TFRC: variants seen among roughly 807,000 people sequenced by gnomAD.
TFRC encodes the protein transferrin receptor protein 1.
A neutral mutation model predicts 85.8 loss-of-function variants in TFRC; 35 were observed. The observed-to-expected ratio is 0.41, with a 90% confidence interval of 0.31 to 0.54. The LOEUF is 0.54. Among genes scored for constraint, TFRC ranks in the 20% least tolerant of loss-of-function variants. The pLI is 0.31. For missense variants in TFRC, 828 were observed against 921.5 expected, an observed-to-expected ratio of 0.90 and a Z score of 1.31; for synonymous variants, 362 against 328.6, an observed-to-expected ratio of 1.10 and a Z score of -1.10.
At chr3:196,074,416 T>TA in intron 3 of TFRC, 1 of 238,560 alleles carries the variant, frequency 4.2e-6, no homozygotes, top group Non-Finnish European at 8.0e-6. Flanking sequence ...GGATATTTTC[T>TA]AGCGTAGCAT....
chr3:196,073,935 G>C lies in TFRC; in HGVS notation c.429C>G (p.Thr143=). The C allele has an allele frequency of 1.2e-6, 2 of 1,611,648 alleles. No individual in the cohort carries two copies. The highest frequency in any genetic ancestry group is 1.7e-6 in the Non-Finnish European group (2 of 1,178,550). The change falls in exon 4 of 19, where the codon ACC becomes ACG. Residue 143 remains threonine, a synonymous_variant. Coordinates refer to ENST00000360110, the MANE Select transcript of TFRC (RefSeq NM_001128148.3). ...EKLDSTDFTG[T]IKLLNENSYV... is the part of the protein sequence containing the mutation. ...GCACAGCAGCTGGCACTCACTTGAT[G>C]GTGCCGGTGAAGTCTGTGCTGTCCA...
chr3:196,055,629 A>G (rs1256657935), intron 16 of TFRC: 1 of 365,250 alleles, frequency 2.7e-6, no homozygotes, highest in Non-Finnish European at 5.1e-6. Context: ...GGCCTTTATC[A>G]ATGAAAAAAG....
intron 7 of TFRC, 70 bp downstream of exon 7, chr3:196,069,385 G>T: frequency 1.2e-6 from 1 of 868,830 alleles, no homozygotes; most frequent in Non-Finnish European, 1.8e-6. Flanking sequence ...ATATTAACAA[G>T]AAATATCACT....
At chr3:196,063,788 G>A (rs1394637089) in intron 11 of TFRC, among the ~76,000 whole-genome samples, 1 of 152,144 alleles carries the variant, frequency 6.6e-6, no homozygotes, top group Non-Finnish European at 1.5e-5. Context: ...GTGGTTGTGG[G>A]TGCCTGTAAT....
chr3:196,053,350 C>T, intron 18 of TFRC, 68 bp downstream of exon 18: 3 of 1,569,684 alleles, frequency 1.9e-6, no homozygotes, highest in South Asian at 2.2e-5. Flanking sequence ...GTCCACTTTG[C>T]AGAAGTGTAA....
At chr3:196,081,357 G>A (rs1006682299) in intron 1 of TFRC, among the ~76,000 whole-genome samples, 4 of 152,254 alleles carry the variant, frequency 2.6e-5, no homozygotes, top group African/African-American at 9.6e-5. Flanking sequence ...GGTTGTACCA[G>A]AGCCGAAGGG....
chr3:196,052,124 A>C lies in TFRC; in HGVS notation c.2101T>G (p.Phe701Val), dbSNP rs534595346. The change falls in exon 19 of 19, where the codon TTC becomes GTC. Residue 701 changes from phenylalanine to valine, a missense_variant. Physicochemically the swap from Phe to Val is conservative, Grantham distance 50 (BLOSUM62 -1). Transcript: ENST00000360110. ...AGCGTGTGAGAGCCGGAGCCCCAGA[A>C]GACATGTCGGAAAGGAGACTCTTTT... ...SPKESPFRHV[F>V]WGSGSHTLPA... The C allele has an allele frequency of 1.9e-6, 3 of 1,614,010 alleles. No homozygotes were observed. The African/African-American group carries it at 4.0e-5, about 22-fold the overall frequency.
At chr3:196,055,337 G>C (rs1214346267) in intron 16 of TFRC, 36 bp from the exon 17 acceptor site, 1 of 1,555,486 alleles carries the variant, frequency 6.4e-7, no homozygotes, top group Non-Finnish European at 8.9e-7. Flanking sequence ...ACTCACGTGA[G>C]TTCTAAGAGC....
At chr3:196,071,217 G>A (rs1718173557) in intron 6 of TFRC, among the ~76,000 whole-genome samples, 179 bp downstream of exon 6, 1 of 152,122 alleles carries the variant, frequency 6.6e-6, no homozygotes, top group Non-Finnish European at 1.5e-5. Flanking sequence ...CAGGACATGG[G>A]GAAAGTGATT....
chr3:196,066,058 T>C (rs1021745243), intron 9 of TFRC, among the ~76,000 whole-genome samples: 1 of 152,088 alleles, frequency 6.6e-6, no homozygotes, highest in Non-Finnish European at 1.5e-5. Context: ...GGTGAACCAT[T>C]TGCGTCTTAC....
At position 196,051,116 on chromosome 3, in the gene TFRC, T is replaced by C. The variant is rs1160965292; in HGVS notation, c.*826A>G. The C allele has an allele frequency of 4.6e-6, 1 of 215,472 alleles. No homozygotes were observed. Among genetic ancestry groups the C allele is most frequent in the Non-Finnish European group, 9.4e-6 (1 of 106,662 alleles). The allele number at this position is 215,472 out of a possible 1,614,324, so 13.3% of individuals were successfully genotyped here. Reference sequence around the variant, plus strand: ...AAGCTCTCCCCTAAGATTAACACTTTGGCCAAAATTTGGCAGCATATTATT... The same window carrying C: ...AAGCTCTCCCCTAAGATTAACACTTCGGCCAAAATTTGGCAGCATATTATT... On this transcript the variant is annotated 3_prime_UTR_variant, in exon 19 of 19. Transcript: ENST00000360110.
At chr3:196,079,223 T>C (rs1718964070) in intron 1 of TFRC, among the ~76,000 whole-genome samples, 1 of 152,204 alleles carries the variant, frequency 6.6e-6, no homozygotes, top group African/African-American at 2.4e-5. Flanking sequence ...CCAATTTTAA[T>C]CATCCTTTTC....
At chr3:196,059,998 A>T (rs1170234943) in intron 14 of TFRC, among the ~76,000 whole-genome samples, 182 bp downstream of exon 14, 1 of 152,196 alleles carries the variant, frequency 6.6e-6, no homozygotes, top group Non-Finnish European at 1.5e-5. Flanking sequence ...ATATTCTTTA[A>T]GATTGGAGCC....
chr3:196,072,067 G>T lies in TFRC; in HGVS notation c.520C>A (p.Arg174Ser). The T allele has an allele frequency of 6.2e-7, 1 of 1,614,110 alleles. No homozygotes were observed. The highest frequency in any genetic ancestry group is 2.2e-5 in the East Asian group (1 of 44,880). Residue 174 changes from arginine (R) to serine (S), a missense_variant, in exon 5 of 19, where the codon CGT becomes AGT. Coordinates refer to ENST00000360110, the MANE Select transcript of TFRC (RefSeq NM_001128148.3). ...NLALYVENQF[R>S]EFKLSKVWRD... ...CAGACTTTGCTGAGTTTAAATTCAC[G>T]AAATTGATTTTCAACATACAACGCA...
chr3:196,063,160 T>C, intron 11 of TFRC: 2 of 458,304 alleles, frequency 4.4e-6, no homozygotes. Flanking sequence ...TAAAGTAACC[T>C]ACAAAGAGCA....
chr3:196,069,661 C>T, intron 6 of TFRC, 93 bp from the exon 7 acceptor site: 2 of 713,008 alleles, frequency 2.8e-6, no homozygotes, highest in South Asian at 2.2e-5. Context: ...AAACCTAAGA[C>T]AGGCAACCCA....
intron 6 of TFRC, 29 bp downstream of exon 6, chr3:196,071,367 A>G: frequency 6.5e-7 from 1 of 1,540,030 alleles, no homozygotes; most frequent in Non-Finnish European, 9.0e-7. Flanking sequence ...AATAGGGAAG[A>G]GTCTCATGCA....
At chr3:196,060,351 T>C in intron 13 of TFRC, 104 bp from the exon 14 acceptor site, 1 of 965,322 alleles carries the variant, frequency 1.0e-6, no homozygotes, top group Non-Finnish European at 1.6e-6. Flanking sequence ...GTAATCTAGA[T>C]CAGTGGCCCT....
At chr3:196,056,445 G>C (rs555459369) in intron 16 of TFRC, among the ~76,000 whole-genome samples, 3 of 152,222 alleles carry the variant, frequency 2.0e-5, no homozygotes, top group African/African-American at 4.8e-5. Context: ...TGTTGCCCAG[G>C]CTAGAGTGCA....
Sources: gnomAD v4.1 joint callset for allele counts (sites outside exome capture counted in the v4.1 genomes callset) on GRCh38, gnomAD v4.1.1 for gene constraint, MANE v1.5 for transcripts, NCBI Gene and HGNC (gene_info 2026-07-23, HGNC 2026-07-21) for gene names.